ADARB2: variants seen among roughly 807,000 people sequenced by gnomAD.
ADARB2 encodes adenosine deaminase RNA specific B2 (inactive).
Under a neutral mutation model 62.2 loss-of-function variants are expected in ADARB2, and 25 were observed. The ratio of observed to expected loss-of-function variants is 0.40; its 90% CI spans 0.29 to 0.56. The LOEUF is 0.56. ADARB2 is among the 20% of genes least tolerant of loss of function. The pLI is 0.43. For synonymous variants in ADARB2, 572 were observed against 500.8 expected (o/e 1.14, Z -1.90); for missense variants, 1,071 against 1,077.4 (o/e 0.99, Z 0.08).
At position 1,704,037 on chromosome 10, in the gene ADARB2, A is replaced by G. The variant is rs1283104269; in HGVS notation, c.100+33014T>C. ...TTGCTTTGTGACAAGTTACCTCAAG[A>G]GTTAGTATCTTAAAAGAACAAACAC... On this transcript the variant is annotated intron_variant, in intron 1 of 9. Transcript: ENST00000381312. The surrounding 1 kb of genome is among the most constrained non-coding windows in gnomAD (Gnocchi z 5.6). 6.6e-6 allele frequency among the ~76,000 whole-genome samples: 1 copy of G among 152,200 alleles called. No individual in the cohort carries two copies. The highest frequency in any genetic ancestry group is 6.5e-5 in the Admixed American group (1 of 15,286).
chr10:1,510,132 CTTTCT>C (rs1382376163), intron 1 of ADARB2, among the ~76,000 whole-genome samples: 9 of 123,750 alleles, frequency 7.3e-5, no homozygotes, highest in African/African-American at 3.2e-4. Context: ...TTCTTTCTTT[CTTTCT>C]TTCTTTCTTT....
intron 3 of ADARB2, among the ~76,000 whole-genome samples, chr10:1,277,952 CCCCTCTTTCTCTCT>C (rs1224237218): frequency 6.9e-6 from 1 of 145,652 alleles, no homozygotes; most frequent in Non-Finnish European, 1.5e-5. Context: ...TTCCTTCCTT[CCCCTCTTTCTCTCT>C]CTCTTTCTTT....
chr10:1,333,310 A>G (rs1831945874), intron 3 of ADARB2, among the ~76,000 whole-genome samples: 2 of 152,110 alleles, frequency 1.3e-5, no homozygotes, highest in Admixed American at 1.3e-4. Context: ...TGTGTGCCAG[A>G]CCCTCTACCT....
intron 1 of ADARB2, among the ~76,000 whole-genome samples, chr10:1,562,219 G>T (rs1323075334): frequency 6.6e-6 from 1 of 151,580 alleles, no homozygotes; most frequent in African/African-American, 2.4e-5. Context: ...TCACCTCCGG[G>T]CCCCTAGATC....
intron 8 of ADARB2, among the ~76,000 whole-genome samples, chr10:1,196,029 G>T (rs1054446188): frequency 6.6e-6 from 1 of 151,980 alleles, no homozygotes; most frequent in East Asian, 1.9e-4. Flanking sequence ...TCTCTCTCCC[G>T]TCCGCTTACC....
At chr10:1,185,344 GTGAA>G (rs1836737816) in intron 8 of ADARB2, among the ~76,000 whole-genome samples, 1 of 152,192 alleles carries the variant, frequency 6.6e-6, no homozygotes, top group African/African-American at 2.4e-5. Context: ...TATTAGTTGA[GTGAA>G]TGAATGAACA....
intron 4 of ADARB2, 38 bp from the exon 5 acceptor site, chr10:1,242,337 G>C: frequency 6.6e-7 from 1 of 1,508,160 alleles, no homozygotes; most frequent in Non-Finnish European, 8.9e-7. Context: ...CGTGGCCCAC[G>C]GCCCCCGTCT....
At chr10:1,611,532 G>A (rs1372844821) in intron 1 of ADARB2, among the ~76,000 whole-genome samples, 1 of 152,142 alleles carries the variant, frequency 6.6e-6, no homozygotes, top group Non-Finnish European at 1.5e-5. Flanking sequence ...GGGGGGTCTC[G>A]TGGGATGAGA....
At chr10:1,510,110 C>CTCTTTCTTTCTTTCTCTCTT (rs1831909067) in intron 1 of ADARB2, among the ~76,000 whole-genome samples, 1 of 106,184 alleles carries the variant, frequency 9.4e-6, no homozygotes, top group Non-Finnish European at 1.9e-5. Flanking sequence ...CTTTCTTTCT[C>CTCTTTCTTTCTTTCTCTCTT]TCTTTCTTTC....
At chr10:1,533,992 G>A (rs1832286427) in intron 1 of ADARB2, among the ~76,000 whole-genome samples, 1 of 151,410 alleles carries the variant, frequency 6.6e-6, no homozygotes, top group Non-Finnish European at 1.5e-5. Context: ...TTATGGATAT[G>A]CAGGTTGAAG....
At chr10:1,529,013 GA>G (rs1345238488) in intron 1 of ADARB2, among the ~76,000 whole-genome samples, 1 of 152,114 alleles carries the variant, frequency 6.6e-6, no homozygotes, top group Non-Finnish European at 1.5e-5. Flanking sequence ...TGTTGCTTGT[GA>G]GGTGGGTCTG....
intron 1 of ADARB2, among the ~76,000 whole-genome samples, chr10:1,563,031 T>C (rs184637481): frequency 6.6e-6 from 1 of 152,160 alleles, no homozygotes; most frequent in African/African-American, 2.4e-5. Flanking sequence ...GTCATTCACT[T>C]AAGGTGCTGA....
At chr10:1,241,954 G>A (rs899346377) in intron 5 of ADARB2, among the ~76,000 whole-genome samples, 177 bp downstream of exon 5, 1 of 152,212 alleles carries the variant, frequency 6.6e-6, no homozygotes, top group African/African-American at 2.4e-5. Flanking sequence ...CGCACACGGC[G>A]GCTTTATTGG....
intron 1 of ADARB2, among the ~76,000 whole-genome samples, chr10:1,490,737 G>A (rs908544073): frequency 2.0e-5 from 3 of 152,216 alleles, no homozygotes; most frequent in Admixed American, 2.0e-4. Context: ...TCACCCGCCT[G>A]AGCCAAGACA....
chr10:1,521,126 G>C (rs1011397958), intron 1 of ADARB2, among the ~76,000 whole-genome samples: 2 of 152,176 alleles, frequency 1.3e-5, no homozygotes. Flanking sequence ...GCGGCCCGGA[G>C]TCGGGTGAGG....
intron 1 of ADARB2, among the ~76,000 whole-genome samples, chr10:1,703,029 C>A (rs2119142636): frequency 6.6e-6 from 1 of 152,316 alleles, no homozygotes; most frequent in Admixed American, 6.5e-5. Context: ...AAAAAAGACA[C>A]AAACACAATG....
chr10:1,354,045 CATCCTTCAGCTTA>C (rs1303729594), intron 3 of ADARB2, among the ~76,000 whole-genome samples: 1 of 152,098 alleles, frequency 6.6e-6, no homozygotes, highest in Admixed American at 6.5e-5. Context: ...ACCACAAAAT[CATCCTTCAGCTTA>C]ATCTCTCCCA....
chr10:1,647,418 T>G (rs535100679), intron 1 of ADARB2, among the ~76,000 whole-genome samples: 1 of 152,204 alleles, frequency 6.6e-6, no homozygotes, highest in Admixed American at 6.5e-5. Context: ...TGTGCATATA[T>G]GTGTATACAT....
At chr10:1,235,620 G>T (rs368256445) in intron 5 of ADARB2, among the ~76,000 whole-genome samples, 1 of 39,262 alleles carries the variant, frequency 2.5e-5, no homozygotes, top group Non-Finnish European at 5.3e-5. Flanking sequence ...ACTCCCCTCT[G>T]CCTCCCGGTG....
Sources: gnomAD v4.1 joint callset for allele counts (sites outside exome capture counted in the v4.1 genomes callset) on GRCh38, gnomAD v4.1.1 for gene constraint, Gnocchi (gnomAD v3.1) non-coding constraint, MANE v1.5 for transcripts, NCBI Gene and HGNC (gene_info 2026-07-23, HGNC 2026-07-21) for gene names.